The following KTN1 variants were observed in gnomAD, a reference collection of about 807,000 sequenced individuals.
The protein encoded by KTN1 is kinectin.
Under a neutral mutation model 222.5 loss-of-function variants are expected in KTN1, and 130 were observed. The observed-to-expected ratio is 0.58, with a 90% CI of 0.51 to 0.68. The LOEUF (loss-of-function observed/expected upper bound fraction) is 0.68. Ranked by LOEUF, KTN1 falls within the 30% of genes least tolerant of loss-of-function variation. The pLI is 0.00. For missense variants in KTN1, 1,508 were observed against 1,500.4 expected, an observed-to-expected ratio of 1.01 and a Z score of -0.08; for synonymous variants, 512 against 496.3, an observed-to-expected ratio of 1.03 and a Z score of -0.42.
At chr14:55,646,648 T>C (rs963966119) in intron 18 of KTN1, among the ~76,000 whole-genome samples, 2 of 151,612 alleles carry the variant, frequency 1.3e-5, no homozygotes, top group Non-Finnish European at 2.9e-5. Context: ...TCTTTGTATT[T>C]GAAGAATTGA....
chr14:55,675,117 C>T (rs1432728852), intron 40 of KTN1: 1 of 152,084 alleles, frequency 6.6e-6, no homozygotes, highest in Non-Finnish European at 1.5e-5. Context: ...TCAAAAGTGC[C>T]CATGGGTGGG....
intron 1 of KTN1, among the ~76,000 whole-genome samples, chr14:55,589,197 G>C (rs2033622779): frequency 6.6e-6 from 1 of 152,122 alleles, no homozygotes; most frequent in African/African-American, 2.4e-5. Flanking sequence ...TAATTACCTG[G>C]CATAAATTGG....
intron 18 of KTN1, among the ~76,000 whole-genome samples, chr14:55,644,991 A>G (rs755018897): frequency 6.6e-6 from 1 of 152,204 alleles, no homozygotes; most frequent in Non-Finnish European, 1.5e-5. Flanking sequence ...CTGAGGTTGC[A>G]GAGATGAATG....
chr14:55,602,548 A>G (rs1285035394), intron 1 of KTN1, among the ~76,000 whole-genome samples: 2 of 152,194 alleles, frequency 1.3e-5, no homozygotes, highest in Non-Finnish European at 2.9e-5. Flanking sequence ...AACTACAGCA[A>G]TAATTAAAAT....
intron 1 of KTN1, among the ~76,000 whole-genome samples, chr14:55,599,285 C>T (rs1002511276): frequency 1.1e-4 from 17 of 152,026 alleles, no homozygotes; most frequent in Non-Finnish European, 2.1e-4. Context: ...TTGGGATCTA[C>T]TCCCTGTTTG....
In KTN1 at chr14:55,659,120, G is replaced by T. The variant is rs1286974967; in HGVS notation, c.2961+506G>T. Among the ~76,000 whole-genome samples, 8 of 152,214 alleles carry T rather than the reference G, an allele frequency of 5.3e-5. 1 individual carries two copies. In the East Asian group the frequency reaches 1.5e-3, roughly 29 times the overall value. On this transcript the variant is annotated intron_variant, in intron 30 of 43. Transcript: ENST00000395314. ...GTAAATTAATTTATGCATGTATATG[G>T]ATAGACTTGATAGTATTTTGAGAAA...
intron 5 of KTN1, among the ~76,000 whole-genome samples, chr14:55,622,275 A>T (rs1445344729): frequency 6.6e-6 from 1 of 152,180 alleles, no homozygotes; most frequent in Non-Finnish European, 1.5e-5. Context: ...TTGTGACTGA[A>T]GATCACACCG....
rs774091223 is a variant in KTN1, at chr14:55,637,826, C to G, written c.1764C>G (p.Phe588Leu). Residue 588 changes from phenylalanine to leucine, a missense_variant, in exon 12 of 44, where the codon TTC becomes TTG. Transcript: ENST00000395314. ...NEALKAQIQQ[F>L]HSQIAAQTSA... ...CTTTGAAAGCTCAAATTCAGCAGTT[C>G]CATTCCCAGATAGCAGCCCAGGTAA... 1 of 1,610,928 alleles carries G rather than the reference C, an allele frequency of 6.2e-7. No individual in the cohort carries two copies. The highest frequency in any genetic ancestry group is 1.3e-5 in the African/African-American group (1 of 74,810).
chr14:55,678,504 A>C lies in KTN1; in HGVS notation c.3948+60A>C, dbSNP rs530935785. On this transcript the variant is annotated intron_variant, in intron 42 of 43. Transcript: ENST00000395314. ...AGTTACCTTGTGACCTGTGTAAAGA[A>C]CAAAAATGTATAAGGTCCATCTCCG... The C allele has an allele frequency of 1.3e-4, 129 of 998,022 alleles. 1 individual carries two copies. The highest frequency in any genetic ancestry group is 2.4e-4 in the Admixed American group (14 of 57,484). The allele number at this position is 998,022 out of a possible 1,614,324, so 61.8% of individuals were successfully genotyped here.
chr14:55,638,926 A>G (rs904173662), intron 12 of KTN1, among the ~76,000 whole-genome samples: 9 of 151,770 alleles, frequency 5.9e-5, no homozygotes, highest in South Asian at 4.1e-4. Context: ...TTGCTTGTCA[A>G]TTATTTAGTT....
At chr14:55,607,237 G>C (rs900652095) in intron 1 of KTN1, 2 of 152,190 alleles carry the variant, frequency 1.3e-5, no homozygotes, top group Non-Finnish European at 2.9e-5. Context: ...AGTTATAGGA[G>C]AGCGAGTAAA....
chr14:55,678,274 A>G (rs1263056345), intron 41 of KTN1, 78 bp from the exon 42 acceptor site: 1 of 912,040 alleles, frequency 1.1e-6, no homozygotes, highest in Non-Finnish European at 1.7e-6. Context: ...TATCTTCTAC[A>G]AAATGAATAA....
At chr14:55,671,098 G>A (rs937877967) in intron 35 of KTN1, among the ~76,000 whole-genome samples, 3 of 152,112 alleles carry the variant, frequency 2.0e-5, no homozygotes, top group African/African-American at 7.2e-5. Flanking sequence ...GGTTTAAAAA[G>A]TAAAGATTAG....
rs1333187025 is a variant in KTN1, at chr14:55,662,993, A to T, written c.3091-962A>T. 2.9e-5 allele frequency: 13 copies of T among 455,776 alleles called. No individual in the cohort carries two copies. In the Admixed American group the frequency reaches 3.1e-4, roughly 11 times the overall value. The allele number at this position is 455,776 out of a possible 1,614,324, so 28.2% of individuals were successfully genotyped here. A position where few individuals can be genotyped will look rare whatever the true frequency, so the allele number is the denominator to read the frequency against. On this transcript the variant is annotated intron_variant, in intron 32 of 43. Coordinates refer to ENST00000395314, the MANE Select transcript of KTN1 (RefSeq NM_001079521.2). ...AGGACACTGGAGGCCAGCAGATAGC[A>T]GTGTCAGTCTTTCCTTCTAGTTTTG... is the stretch of plus-strand genomic sequence containing the variant.
intron 10 of KTN1, among the ~76,000 whole-genome samples, chr14:55,636,837 C>CTT (rs796152435): frequency 7.0e-6 from 1 of 143,034 alleles, no homozygotes. Flanking sequence ...TTGGTTAATT[C>CTT]TTTTTTTTTT....
chr14:55,630,769 A>T (rs1416573161), intron 7 of KTN1, among the ~76,000 whole-genome samples: 1 of 152,198 alleles, frequency 6.6e-6, no homozygotes, highest in East Asian at 1.9e-4. Context: ...ACTATTTTAA[A>T]TTTTCACCTT....
At chr14:55,656,719 G>A (rs892047402) in intron 29 of KTN1, among the ~76,000 whole-genome samples, 1 of 151,956 alleles carries the variant, frequency 6.6e-6, no homozygotes, top group Non-Finnish European at 1.5e-5. Flanking sequence ...CTCCCACCTC[G>A]GCCTCCCAAA....
Position 55,612,551 on chromosome 14 carries a change from A to T in KTN1, c.503A>T (p.Lys168Met). The T allele has an allele frequency of 6.3e-7, 1 of 1,584,462 alleles. No individual in the cohort carries two copies. Among genetic ancestry groups the T allele is most frequent in the Non-Finnish European group, 8.5e-7 (1 of 1,172,198 alleles). Residue 168 changes from lysine (K) to methionine (M), a missense_variant, in exon 2 of 44, where the codon AAG becomes ATG. Transcript: ENST00000395314. ...GCCTCGAAGAAGAAACCAGGGCAGA[A>T]GAAGTCTAAAAATGGAAGCGGTATT... is the stretch of plus-strand genomic sequence containing the variant. Reference protein sequence around the residue: ...AAASKKKPGQKKSKNGSDDQD... With the variant: ...AAASKKKPGQMKSKNGSDDQD...
In KTN1 at chr14:55,594,691, G is replaced by T. The variant is rs148052805; in HGVS notation, c.-31+14337G>T. ...TAATTTTAGTAGGGAATTATGATGC[G>T]GTATTTCATCCCAAACAGTTTTCAC... On this transcript the variant is annotated intron_variant, in intron 1 of 43. Transcript: ENST00000395314. Among the ~76,000 whole-genome samples the T allele has an allele frequency of 1.9e-3, 283 of 151,908 alleles. 4 individuals carry two copies. The highest frequency in any genetic ancestry group is 2.6e-3 in the Non-Finnish European group (175 of 67,962).
Sources: gnomAD v4.1 joint callset for allele counts (sites outside exome capture counted in the v4.1 genomes callset) on GRCh38, gnomAD v4.1.1 for gene constraint, MANE v1.5 for transcripts, NCBI Gene and HGNC (gene_info 2026-07-23, HGNC 2026-07-21) for gene names.